Variants in PNPT1 observed in about 807,000 individuals in gnomAD.
The protein encoded by PNPT1 is polyribonucleotide nucleotidyltransferase 1.
A neutral mutation model predicts 119.5 loss-of-function variants in PNPT1; 53 were observed. The observed-to-expected ratio is 0.44, with a 90% CI of 0.36 to 0.56. PNPT1 has a LOEUF of 0.56. Among genes scored for constraint, PNPT1 ranks in the 20% least tolerant of loss-of-function variants. The probability of loss-of-function intolerance (pLI) is 0.00; values close to 1 mark genes in which losing one functional copy is unlikely to be tolerated. For missense variants in PNPT1, 948 were observed against 938.5 expected, an observed-to-expected ratio of 1.01 and a Z score of -0.13; for synonymous variants, 357 against 322.1, an observed-to-expected ratio of 1.11 and a Z score of -1.16.
intron 25 of PNPT1, among the ~76,000 whole-genome samples, chr2:55,641,477 C>A (rs1208097117): frequency 1.3e-5 from 2 of 151,656 alleles, no homozygotes; most frequent in Non-Finnish European, 2.9e-5. Context: ...CGAAGTTGGC[C>A]AGGCTGGTCT....
intron 17 of PNPT1, among the ~76,000 whole-genome samples, 161 bp from the exon 18 acceptor site, chr2:55,655,114 T>C (rs1374399360): frequency 6.6e-6 from 1 of 152,178 alleles, no homozygotes; most frequent in African/African-American, 2.4e-5. Flanking sequence ...AGCTATAAAC[T>C]ATGGGGCTGC....
chr2:55,683,446 C>T (rs560824206), intron 5 of PNPT1, among the ~76,000 whole-genome samples: 1 of 152,052 alleles, frequency 6.6e-6, no homozygotes, highest in East Asian at 1.9e-4. Flanking sequence ...AAACTGGTCT[C>T]TATTAAAAAT....
At chr2:55,685,803 T>C (rs1318228795) in intron 3 of PNPT1, among the ~76,000 whole-genome samples, 1 of 152,230 alleles carries the variant, frequency 6.6e-6, no homozygotes, top group African/African-American at 2.4e-5. Context: ...ATCCTTGATG[T>C]AAAACACCAT....
chr2:55,647,705 G>A (rs1376955195), intron 18 of PNPT1, among the ~76,000 whole-genome samples: 1 of 151,920 alleles, frequency 6.6e-6, no homozygotes. Flanking sequence ...TATTTTTAGT[G>A]GAGATGGGGT....
At chr2:55,668,554 T>C (rs954777431) in intron 11 of PNPT1, among the ~76,000 whole-genome samples, 5 of 149,992 alleles carry the variant, frequency 3.3e-5, no homozygotes, top group South Asian at 2.1e-4. Flanking sequence ...TTCCCTTTTC[T>C]ATTATGTTAC....
At chr2:55,668,462 T>C (rs188513944) in intron 11 of PNPT1, among the ~76,000 whole-genome samples, 85 of 152,316 alleles carry the variant, frequency 5.6e-4, no homozygotes, top group African/African-American at 1.9e-3. Flanking sequence ...GCTCTTGAAC[T>C]CCTGAAGTCA....
chr2:55,674,182 T>C (rs12617829), intron 8 of PNPT1, among the ~76,000 whole-genome samples: 137,080 of 152,322 alleles, frequency 0.9, 62,279 homozygotes, highest in African/African-American at 0.96. Context: ...GACTGAATAA[T>C]AGAATTTTTT....
chr2:55,659,229 A>G (rs1462593583), intron 15 of PNPT1, among the ~76,000 whole-genome samples: 1 of 152,228 alleles, frequency 6.6e-6, no homozygotes, highest in Admixed American at 6.5e-5. Flanking sequence ...TGCTGGGATT[A>G]CAGGTATGAG....
chr2:55,658,550 C>T (rs2104080859), intron 15 of PNPT1, among the ~76,000 whole-genome samples: 1 of 152,182 alleles, frequency 6.6e-6, no homozygotes, highest in South Asian at 2.1e-4. Flanking sequence ...TAAAGAGATT[C>T]ACAAAAATAA....
intron 8 of PNPT1, among the ~76,000 whole-genome samples, chr2:55,675,613 G>A (rs868522647): frequency 2.0e-4 from 30 of 151,950 alleles, no homozygotes; most frequent in African/African-American, 6.3e-4. Flanking sequence ...ACATAGGATC[G>A]TTTGAACCCC....
chr2:55,636,524 A>G, intron 27 of PNPT1, 132 bp from the exon 28 acceptor site: 2 of 923,430 alleles, frequency 2.2e-6, no homozygotes, highest in Non-Finnish European at 3.2e-6. Context: ...AGCATTGTTC[A>G]GTGCTAAGTG....
In PNPT1 at chr2:55,662,016, G is replaced by A; in HGVS notation, c.1187C>T (p.Thr396Ile). ...FQRGQTQVLCTVTFDSLESGI... is the reference protein window; with the variant it reads ...FQRGQTQVLCIVTFDSLESGI... ...AGATTCTAATGAATCAAATGTAACG[G>A]TACAAAGCACCTAAAAAAGAAAAAG... Residue 396 changes from threonine to isoleucine, a missense_variant, in exon 14 of 28, where the codon ACC becomes ATC. Coordinates refer to ENST00000447944, the MANE Select transcript of PNPT1 (RefSeq NM_033109.5). The A allele has an allele frequency of 1.3e-6, 2 of 1,567,644 alleles. No homozygotes were observed. Among genetic ancestry groups the A allele is most frequent in the South Asian group, 1.2e-5 (1 of 81,878 alleles).
Position 55,636,381 on chromosome 2 carries a change from A to T in PNPT1, c.2208T>A (p.Phe736Leu). 6.2e-7 allele frequency: 1 copy of T among 1,614,036 alleles called. No individual in the cohort carries two copies. The highest frequency in any genetic ancestry group is 8.5e-7 in the Non-Finnish European group (1 of 1,179,978). The change falls in exon 28 of 28, where the codon TTT becomes TTA. Residue 736 changes from phenylalanine (F) to leucine (L), a missense_variant. Coordinates refer to ENST00000447944, the MANE Select transcript of PNPT1 (RefSeq NM_033109.5). ...TTCTTCCATCGGCTGGGTCACGTCCAAAGTATTTCACCTGTGTTAAAGAAA... is the reference window on the plus strand; with the variant it reads ...TTCTTCCATCGGCTGGGTCACGTCCTAAGTATTTCACCTGTGTTAAAGAAA... ...EVGQEIQVKY[F>L]GRDPADGRMR...
intron 1 of PNPT1, among the ~76,000 whole-genome samples, chr2:55,689,345 T>C (rs1697518943): frequency 6.6e-6 from 1 of 152,190 alleles, no homozygotes; most frequent in Non-Finnish European, 1.5e-5. Flanking sequence ...ATGCTCAATA[T>C]CATTAACTAT....
At chr2:55,652,241 G>T (rs1214373036) in intron 18 of PNPT1, among the ~76,000 whole-genome samples, 1 of 152,130 alleles carries the variant, frequency 6.6e-6, no homozygotes, top group Non-Finnish European at 1.5e-5. Context: ...TGGGGCATAG[G>T]ACAGTGCCTG....
chr2:55,649,965 C>G (rs1166466323), intron 18 of PNPT1, among the ~76,000 whole-genome samples: 1 of 152,200 alleles, frequency 6.6e-6, no homozygotes, highest in Non-Finnish European at 1.5e-5. Context: ...GGCTTTAAGT[C>G]CAAACTCCTT....
intron 12 of PNPT1, 63 bp from the exon 13 acceptor site, chr2:55,667,156 T>C (rs1696760631): frequency 7.8e-7 from 1 of 1,279,938 alleles, no homozygotes; most frequent in South Asian, 1.2e-5. Context: ...CACATGTCTT[T>C]ATCTCTCCCA....
intron 1 of PNPT1, among the ~76,000 whole-genome samples, chr2:55,693,404 C>G (rs1000403182): frequency 2.0e-5 from 3 of 152,062 alleles, no homozygotes; most frequent in African/African-American, 7.2e-5. Context: ...GTAAAGAGAT[C>G]GGAAGTCAGG....
chr2:55,681,238 C>T (rs1254675733), intron 5 of PNPT1, among the ~76,000 whole-genome samples: 3 of 152,108 alleles, frequency 2.0e-5, no homozygotes, highest in South Asian at 2.1e-4. Context: ...GAAACTCTGT[C>T]GCTACTAAAA....
Sources: allele counts gnomAD v4.1 joint callset (sites outside exome capture counted in the v4.1 genomes callset), GRCh38; gene constraint gnomAD v4.1.1; transcripts MANE v1.5; gene names NCBI Gene and HGNC (gene_info 2026-07-23, HGNC 2026-07-21).